Variants in ERG observed in about 807,000 individuals in gnomAD.
The protein encoded by ERG is transcriptional regulator ERG.
A neutral mutation model predicts 55.3 loss-of-function variants in ERG; 9 were observed. The ratio of observed to expected loss-of-function variants is 0.16; its 90% CI spans 0.10 to 0.28. The LOEUF (loss-of-function observed/expected upper bound fraction) is 0.28. Among genes scored for constraint, ERG ranks in the 10% least tolerant of loss-of-function variants. ERG has a pLI of 1.00. For missense variants in ERG, 434 were observed against 631.6 expected (o/e 0.69, Z 3.35); for synonymous variants, 223 against 237.3 (o/e 0.94, Z 0.55).
At chr21:38,564,149 G>T (rs948187698) in intron 2 of ERG, among the ~76,000 whole-genome samples, 2 of 151,788 alleles carry the variant, frequency 1.3e-5, no homozygotes, top group African/African-American at 2.4e-5. Context: ...TCCTGATGAA[G>T]GAAACTGAAT....
intron 1 of ERG, among the ~76,000 whole-genome samples, chr21:38,469,730 T>C (rs927653318): frequency 3.9e-5 from 6 of 152,222 alleles, no homozygotes; most frequent in African/African-American, 1.4e-4. Context: ...CTTGGAAAAG[T>C]AACAAATTCA....
At chr21:38,561,410 G>A (rs1385968002) in intron 2 of ERG, among the ~76,000 whole-genome samples, 3 of 150,780 alleles carry the variant, frequency 2.0e-5, no homozygotes. Context: ...CAGGCTCTAG[G>A]TCACTTTTGT....
intron 1 of ERG, among the ~76,000 whole-genome samples, chr21:38,445,860 G>A (rs2058887259): frequency 6.6e-6 from 1 of 152,042 alleles, no homozygotes; most frequent in African/African-American, 2.4e-5. Flanking sequence ...AGGCTTGACT[G>A]TGGCAGGGCA....
At chr21:38,456,351 G>A (rs911172932) in intron 1 of ERG, among the ~76,000 whole-genome samples, 1 of 152,096 alleles carries the variant, frequency 6.6e-6, no homozygotes, top group African/African-American at 2.4e-5. Flanking sequence ...CTAGTGTTAT[G>A]TTTTTAAGTG....
rs139566325 is a variant in ERG at position 38,629,601 on chromosome 21, T to A, written c.-150+32057A>T. Among the ~76,000 whole-genome samples, 295 of 152,274 alleles carry A rather than the reference T, an allele frequency of 1.9e-3. 5 individuals are homozygous for A. The East Asian group carries it at 0.038, about 20-fold the overall frequency. On this transcript the variant is annotated intron_variant, in intron 1 of 10. Coordinates refer to the ERG transcript ENST00000398910. ...GAGGATGGCCAGTAGAAAAAAAATA[T>A]ATCAAGTGTTGTTGAGGATATGGAG...
chr21:38,561,343 C>T (rs976836891), intron 2 of ERG, among the ~76,000 whole-genome samples: 1 of 152,078 alleles, frequency 6.6e-6, no homozygotes, highest in Non-Finnish European at 1.5e-5. Flanking sequence ...GGACATTGTG[C>T]CCTGAAGGTG....
chr21:38,406,079 C>T (rs965780333), intron 3 of ERG, among the ~76,000 whole-genome samples: 24 of 144,762 alleles, frequency 1.7e-4, no homozygotes, highest in African/African-American at 4.6e-4. Flanking sequence ...GGCATGAACC[C>T]GGGAGGTGGA....
intron 3 of ERG, among the ~76,000 whole-genome samples, chr21:38,413,933 C>T (rs1344617834): frequency 3.9e-5 from 6 of 152,278 alleles, no homozygotes; most frequent in Admixed American, 1.3e-4. Context: ...TATTTGCTCT[C>T]ATGTTTGAAC....
At chr21:38,440,558 C>A (rs2298335) in intron 2 of ERG, among the ~76,000 whole-genome samples, 1 of 151,896 alleles carries the variant, frequency 6.6e-6, no homozygotes, top group South Asian at 2.1e-4. Context: ...TGGTGGCTCA[C>A]GCTTGTAATC....
Position 38,600,690 on chromosome 21 carries a change from G to A in ERG, c.-149-15745C>T, listed in dbSNP as rs537256595. On this transcript the variant is annotated intron_variant, in intron 1 of 10. Coordinates refer to the ERG transcript ENST00000398910. ...CTGCAAAAGTAAGAAATCGTAATAA[G>A]CATGGAATCACAGAACCAGTTGAAT... Among the ~76,000 whole-genome samples, 11 of 152,310 alleles carry A rather than the reference G, an allele frequency of 7.2e-5. No individual in the cohort carries two copies. In the South Asian group the frequency reaches 2.3e-3, roughly 32 times the overall value.
At chr21:38,549,224 C>T (rs918724240) in intron 2 of ERG, among the ~76,000 whole-genome samples, 1 of 152,160 alleles carries the variant, frequency 6.6e-6, no homozygotes, top group Non-Finnish European at 1.5e-5. Context: ...TTTTTATAAA[C>T]ATCTTCCTAG....
In ERG at chr21:38,632,887, C is replaced by A. The variant is rs1017676952; in HGVS notation, c.-150+28771G>T. On this transcript the variant is annotated intron_variant, in intron 1 of 10. Coordinates refer to the ERG transcript ENST00000398910. ...CTGTGTGGTCCAGAAATCCCACTTC[C>A]GTGTCCATATATCCAAACTAACTGA... Among the ~76,000 whole-genome samples, 4 of 152,174 alleles carry A rather than the reference C, an allele frequency of 2.6e-5. 1 individual carries two copies. The South Asian group carries it at 8.3e-4, about 32-fold the overall frequency.
At chr21:38,609,535 C>T (rs908276975) in intron 1 of ERG, among the ~76,000 whole-genome samples, 2 of 152,148 alleles carry the variant, frequency 1.3e-5, no homozygotes, top group Admixed American at 1.3e-4. Context: ...TAAACCACCA[C>T]AAAAATCAGT....
chr21:38,592,294 C>T lies in ERG; in HGVS notation c.-149-7349G>A, dbSNP rs543754110. ...TCTAGCGAGTTGGGAGGAGCCAGCT[C>T]TAGCACACATGGGCTCCAGAAGCCA... On this transcript the variant is annotated intron_variant, in intron 1 of 10. Transcript: ENST00000398910. 1.2e-4 allele frequency among the ~76,000 whole-genome samples: 18 copies of T among 152,340 alleles called. No individual in the cohort carries two copies. In the South Asian group the frequency reaches 3.7e-3, roughly 32 times the overall value.
chr21:38,380,757 G>A lies in ERG; in HGVS notation c.*2646C>T. On this transcript the variant is annotated 3_prime_UTR_variant, in exon 10 of 10. Transcript: ENST00000288319. ...GACTTGCTAATAACCTGGACTGGGG[G>A]TGGAGGGTTGAGGGATCTAATGGAA... 9.4e-7 allele frequency: 1 copy of A among 1,064,852 alleles called. No homozygotes were observed. The highest frequency in any genetic ancestry group is 1.1e-6 in the Non-Finnish European group (1 of 879,106). The allele number at this position is 1,064,852 out of a possible 1,614,324, so 66.0% of individuals were successfully genotyped here.
intron 1 of ERG, among the ~76,000 whole-genome samples, chr21:38,604,449 C>T (rs961200479): frequency 6.6e-6 from 1 of 151,972 alleles, no homozygotes; most frequent in African/African-American, 2.4e-5. Context: ...AAGATAGTTA[C>T]ACAAGGGTGG....
chr21:38,395,980 A>C (rs1012861470), intron 6 of ERG, among the ~76,000 whole-genome samples: 3 of 152,194 alleles, frequency 2.0e-5, no homozygotes, highest in African/African-American at 7.2e-5. Flanking sequence ...AAGAATGTGG[A>C]TCGTGGAAGA....
At chr21:38,563,538 G>A (rs764982948) in intron 2 of ERG, among the ~76,000 whole-genome samples, 1 of 152,172 alleles carries the variant, frequency 6.6e-6, no homozygotes, top group Non-Finnish European at 1.5e-5. Context: ...CTATAAATTG[G>A]TTGTATGGTT....
chr21:38,549,321 C>T (rs1347539579), intron 2 of ERG, among the ~76,000 whole-genome samples: 1 of 152,068 alleles, frequency 6.6e-6, no homozygotes, highest in Non-Finnish European at 1.5e-5. Flanking sequence ...AGAATAAGGA[C>T]CCCAAACTAT....
Sources: allele counts gnomAD v4.1 joint callset (sites outside exome capture counted in the v4.1 genomes callset), GRCh38; gene constraint gnomAD v4.1.1; transcripts MANE v1.5; gene names NCBI Gene and HGNC (gene_info 2026-07-23, HGNC 2026-07-21).